The following RERE variants were observed in gnomAD, a reference collection of about 807,000 sequenced individuals.
RERE encodes the protein arginine-glutamic acid dipeptide repeats, also known as arginine-glutamic acid dipeptide repeats protein.
RERE carries 40 observed loss-of-function variants against 146.1 expected under a neutral mutation model. The observed-to-expected ratio is 0.27, with a 90% CI of 0.21 to 0.36. RERE has a LOEUF of 0.36. RERE is among the 10% of genes least tolerant of loss of function. The pLI is 1.00. For missense variants in RERE, 1,933 were observed against 2,138.7 expected (o/e 0.90, Z 1.90); for synonymous variants, 1,003 against 866.0 (o/e 1.16, Z -2.78).
intron 1 of RERE, among the ~76,000 whole-genome samples, chr1:8,721,190 A>G (rs1439003219): frequency 1.3e-5 from 2 of 152,212 alleles, no homozygotes; most frequent in African/African-American, 4.8e-5. Context: ...GGAGCACTGC[A>G]GAGGTCTGCT....
chr1:8,543,427 T>C (rs556174481), intron 6 of RERE, among the ~76,000 whole-genome samples: 1 of 152,346 alleles, frequency 6.6e-6, no homozygotes, highest in South Asian at 2.1e-4. Context: ...TACACAATGC[T>C]ATGTAAAGTA....
Position 8,624,508 on chromosome 1 carries a change from A to C in RERE, c.326-128T>G. The C allele has an allele frequency of 6.5e-6, 4 of 612,518 alleles. No homozygotes were observed. In the South Asian group the frequency reaches 8.7e-5, roughly 13 times the overall value. 37.9% of individuals were successfully genotyped at this position (612,518 alleles called of 1,614,324 possible). A position where few individuals can be genotyped will look rare whatever the true frequency, so the allele number is the denominator to read the frequency against. On this transcript the variant is annotated intron_variant, in intron 2 of 22. Coordinates refer to ENST00000400908, the MANE Select transcript of RERE (RefSeq NM_001042681.2). ...ATCTTTTATTGTAAATTTTTTCCAA[A>C]AGATGATATTAAATTGCAAATATCT...
intron 1 of RERE, among the ~76,000 whole-genome samples, chr1:8,778,571 TC>T (rs1298129802): frequency 6.6e-6 from 1 of 152,164 alleles, no homozygotes; most frequent in Non-Finnish European, 1.5e-5. Flanking sequence ...GAGTGGTGGC[TC>T]ATAACTGTAA....
At chr1:8,654,437 G>T (rs1024227900) in intron 2 of RERE, among the ~76,000 whole-genome samples, 1 of 152,112 alleles carries the variant, frequency 6.6e-6, no homozygotes, top group Non-Finnish European at 1.5e-5. Context: ...TCAGTAAAAT[G>T]ATTGTTCCAG....
intron 12 of RERE, among the ~76,000 whole-genome samples, chr1:8,379,849 C>G (rs967756398): frequency 6.6e-6 from 1 of 152,222 alleles, no homozygotes; most frequent in Non-Finnish European, 1.5e-5. Flanking sequence ...CCAGATGGAC[C>G]TAGATCTCTG....
Position 8,361,397 on chromosome 1 carries a change from T to C in RERE, c.2110A>G (p.Ile704Val), listed in dbSNP as rs1641575762. Reference protein sequence around the residue: ...NDEGSSDPKDIDQDNRSTSPS... With the variant: ...NDEGSSDPKDVDQDNRSTSPS... ...GACGTGCTGCGATTGTCCTGGTCGA[T>C]GTCTTTGGGGTCACTGCTACCCTCA... Residue 704 changes from isoleucine (I) to valine (V), a missense_variant, in exon 18 of 23, where the codon ATC (isoleucine) becomes GTC (valine). Transcript: ENST00000400908. The C allele has an allele frequency of 6.2e-7, 1 of 1,613,730 alleles. No individual in the cohort carries two copies.
chr1:8,566,742 T>A (rs1338274358), intron 4 of RERE, among the ~76,000 whole-genome samples: 2 of 152,034 alleles, frequency 1.3e-5, no homozygotes, highest in African/African-American at 4.8e-5. Flanking sequence ...TACTGGTACA[T>A]CCAATATATA....
At chr1:8,671,466 C>A (rs1638716177) in intron 1 of RERE, among the ~76,000 whole-genome samples, 2 of 152,164 alleles carry the variant, frequency 1.3e-5, no homozygotes, top group Admixed American at 1.3e-4. Context: ...GATTTCCACG[C>A]TAGAAGACAC....
At chr1:8,670,128 T>G (rs955134051) in intron 1 of RERE, among the ~76,000 whole-genome samples, 1 of 152,172 alleles carries the variant, frequency 6.6e-6, no homozygotes, top group Non-Finnish European at 1.5e-5. Context: ...CTGGGTGTGA[T>G]TCTAGGTTGA....
intron 8 of RERE, among the ~76,000 whole-genome samples, chr1:8,500,217 C>T (rs1557660201): frequency 1.3e-5 from 2 of 152,202 alleles, no homozygotes; most frequent in Non-Finnish European, 2.9e-5. Flanking sequence ...GCTTCCCCAG[C>T]ACCGAGTACA....
intron 4 of RERE, among the ~76,000 whole-genome samples, chr1:8,610,486 G>A (rs1308571879): frequency 1.3e-5 from 2 of 152,068 alleles, no homozygotes; most frequent in African/African-American, 2.4e-5. Flanking sequence ...CTACTCCAGA[G>A]GCTGAGGCAG....
intron 2 of RERE, among the ~76,000 whole-genome samples, chr1:8,649,026 C>T (rs1169875212): frequency 2.0e-5 from 3 of 151,736 alleles, no homozygotes; most frequent in African/African-American, 4.8e-5. Flanking sequence ...GTTCTACCTA[C>T]ACCAGAAATA....
rs147033091 is a variant in RERE, at chr1:8,387,230, G to C, written c.1285-21256C>G. Among the ~76,000 whole-genome samples, 5 of 152,306 alleles carry C rather than the reference G, an allele frequency of 3.3e-5. No homozygotes were observed. The East Asian group carries it at 5.8e-4, about 18-fold the overall frequency. ...ACACAAATCAGTGGAGAAAAGGCTG[G>C]ACTTCTCCAGAGATGACACTGGGAC... On this transcript the variant is annotated intron_variant, in intron 12 of 22. Coordinates refer to ENST00000400908, the MANE Select transcript of RERE (RefSeq NM_001042681.2).
intron 7 of RERE, among the ~76,000 whole-genome samples, chr1:8,537,551 A>G (rs747168852): frequency 3.3e-5 from 5 of 152,250 alleles, no homozygotes; most frequent in Non-Finnish European, 5.9e-5. Context: ...CAGAACTTTC[A>G]TATTTCAGAA....
chr1:8,589,662 G>A lies in RERE; in HGVS notation c.522+24899C>T, dbSNP rs188608454. ...TATTTTATTGGAGAAAGGCAAACAA[G>A]AGTTTGCCCCCTAGTTCCTCCCACT... On this transcript the variant is annotated intron_variant, in intron 4 of 22. Transcript: ENST00000400908. Among the ~76,000 whole-genome samples, 6 of 152,294 alleles carry A rather than the reference G, an allele frequency of 3.9e-5. No individual in the cohort carries two copies. In the East Asian group the frequency reaches 5.8e-4, roughly 15 times the overall value.
intron 1 of RERE, among the ~76,000 whole-genome samples, chr1:8,813,372 G>T (rs1458354888): frequency 3.3e-5 from 5 of 152,086 alleles, no homozygotes; most frequent in African/African-American, 1.2e-4. Context: ...AAAGAACTTG[G>T]TATGTCCAAC....
chr1:8,569,351 ATAT>A (rs1182369823), intron 4 of RERE, among the ~76,000 whole-genome samples: 2 of 151,956 alleles, frequency 1.3e-5, no homozygotes, highest in Non-Finnish European at 2.9e-5. Flanking sequence ...GATGGCAGTG[ATAT>A]TATTCATTTG....
intron 2 of RERE, among the ~76,000 whole-genome samples, chr1:8,624,865 T>TA (rs1646955975): frequency 6.6e-6 from 1 of 152,242 alleles, no homozygotes; most frequent in Non-Finnish European, 1.5e-5. Flanking sequence ...TTGAACATGC[T>TA]ATTACAATGA....
At chr1:8,636,508 G>C (rs143355881) in intron 2 of RERE, among the ~76,000 whole-genome samples, 116 of 151,226 alleles carry the variant, frequency 7.7e-4, no homozygotes, top group African/African-American at 2.7e-3. Flanking sequence ...CTCCAGCCTG[G>C]GCAACAGTGT....
Sources: gnomAD v4.1 joint callset for allele counts (sites outside exome capture counted in the v4.1 genomes callset) on GRCh38, gnomAD v4.1.1 for gene constraint, MANE v1.5 for transcripts, NCBI Gene and HGNC (gene_info 2026-07-23, HGNC 2026-07-21) for gene names.